RBM26: variants seen among roughly 807,000 people sequenced by gnomAD.
RBM26 encodes RNA-binding protein 26.
A neutral mutation model predicts 123.6 loss-of-function variants in RBM26; 30 were observed. That is an observed-to-expected ratio of 0.24 (90% CI 0.18 to 0.33). The LOEUF is 0.33. RBM26 is among the 10% of genes least tolerant of loss of function. The pLI is 1.00. For synonymous variants in RBM26, 400 were observed against 404.4 expected (o/e 0.99, Z 0.13); for missense variants, 947 against 1,203.6 (o/e 0.79, Z 3.15).
At chr13:79,315,756 C>T (rs1455407712), downstream of RBM26, among the ~76,000 whole-genome samples, 5 of 151,842 alleles carry the variant, frequency 3.3e-5, no homozygotes, top group East Asian at 9.7e-4. Context: ...TTCTACTAAG[C>T]AAGTTTGATG....
chr13:79,320,028 T>C lies in RBM26; in HGVS notation c.*593A>G. ...TTTTTAAAGAGACCATTCCACTTTATTATAACATCTGGATGCATAAGGACT... is the reference window on the plus strand; with the variant it reads ...TTTTTAAAGAGACCATTCCACTTTACTATAACATCTGGATGCATAAGGACT... On this transcript the variant is annotated 3_prime_UTR_variant, in exon 22 of 22. Coordinates refer to ENST00000438737, the MANE Select transcript of RBM26 (RefSeq NM_001366735.2). 1.0e-6 allele frequency: 1 copy of C among 968,244 alleles called. No individual in the cohort carries two copies. Among genetic ancestry groups the C allele is most frequent in the South Asian group, 4.8e-5 (1 of 20,758 alleles). The allele number at this position is 968,244 out of a possible 1,614,324, so 60.0% of individuals were successfully genotyped here.
At chr13:79,364,290 A>G (rs2075032144) in intron 9 of RBM26, among the ~76,000 whole-genome samples, 1 of 152,190 alleles carries the variant, frequency 6.6e-6, no homozygotes, top group East Asian at 1.9e-4. Flanking sequence ...TTAAACATTC[A>G]AGGAAGATGC....
chr13:79,359,584 C>A lies in RBM26; in HGVS notation c.1520G>T (p.Trp507Leu). ...GEPGVPTKKT[W>L]FDKPNFNRTN... is the part of the protein sequence containing the mutation. ...TTCCTGGCCACCTTACTTATCAAACCAAGTCTTCTTTGTAGGAACTCCAGG... is the reference window on the plus strand; with the variant it reads ...TTCCTGGCCACCTTACTTATCAAACAAAGTCTTCTTTGTAGGAACTCCAGG... Residue 507 changes from tryptophan to leucine, a missense_variant, in exon 10 of 22, where the codon TGG (tryptophan) becomes TTG (leucine). Around this residue, in one of 5 missense-constraint regions of RBM26, gnomAD observed 493 missense variants for 563.1 expected, o/e 0.88. Coordinates refer to ENST00000438737, the MANE Select transcript of RBM26 (RefSeq NM_001366735.2). 6.4e-7 allele frequency: 1 copy of A among 1,558,136 alleles called. No homozygotes were observed. The highest frequency in any genetic ancestry group is 1.2e-5 in the South Asian group (1 of 86,260).
chr13:79,381,239 C>G (rs2077048095), intron 1 of RBM26, among the ~76,000 whole-genome samples: 1 of 152,010 alleles, frequency 6.6e-6, no homozygotes, highest in South Asian at 2.1e-4. Flanking sequence ...AACTAAATCT[C>G]ATACTCCAAA....
Position 79,378,846 on chromosome 13 carries a change from T to C in RBM26, c.133A>G (p.Ser45Gly), listed in dbSNP as rs779958884. The C allele has an allele frequency of 4.3e-6, 7 of 1,613,534 alleles. No homozygotes were observed. Among genetic ancestry groups the C allele is most frequent in the Non-Finnish European group, 5.9e-6 (7 of 1,179,624 alleles). Residue 45 changes from serine to glycine, a missense_variant, in exon 2 of 22, where the codon AGT (serine) becomes GGT (glycine). Transcript: ENST00000438737. ...YVLALVKKDKSEKELKALCID... is the reference protein window; with the variant it reads ...YVLALVKKDKGEKELKALCID... ...CATAATGCCTTTAACTCTTTTTCACTTTTGTCTTTCTTTACCAAAGCCAGA... is the reference window on the plus strand; with the variant it reads ...CATAATGCCTTTAACTCTTTTTCACCTTTGTCTTTCTTTACCAAAGCCAGA...
chr13:79,314,826 C>A (rs1163545231), downstream of RBM26: 1 of 406,542 alleles, frequency 2.5e-6, no homozygotes. Context: ...TCTTAGAGAA[C>A]TGTAGAGATA....
At chr13:79,368,274 C>A (rs1379566974) in intron 6 of RBM26, among the ~76,000 whole-genome samples, 1 of 152,212 alleles carries the variant, frequency 6.6e-6, no homozygotes, top group Non-Finnish European at 1.5e-5. Context: ...GATCCACCCA[C>A]CTCAACCTCC....
At chr13:79,367,428 A>AAAAAAAAAAAAAAAG (rs1566476078) in intron 6 of RBM26, among the ~76,000 whole-genome samples, 9 of 43,406 alleles carry the variant, frequency 2.1e-4, no homozygotes, top group African/African-American at 5.0e-4. Flanking sequence ...AAAAAAAAAA[A>AAAAAAAAAAAAAAAG]AAAAGAAGAA....
At chr13:79,374,610 A>C (rs2076478276) in intron 3 of RBM26, among the ~76,000 whole-genome samples, 1 of 152,140 alleles carries the variant, frequency 6.6e-6, no homozygotes, top group Admixed American at 6.6e-5. Flanking sequence ...TTTTAAATTC[A>C]AGTACTTTCG....
intron 14 of RBM26, among the ~76,000 whole-genome samples, chr13:79,352,577 T>C (rs1159777591): frequency 6.6e-6 from 1 of 152,148 alleles, no homozygotes; most frequent in Non-Finnish European, 1.5e-5. Flanking sequence ...ACTATATGTA[T>C]TGCTATGCTA....
Position 79,371,937 on chromosome 13 carries a change from A to T in RBM26, c.328-7T>A, listed in dbSNP as rs73564673. On this transcript the variant is annotated splice_region_variant and splice_polypyrimidine_tract_variant and intron_variant, in intron 3 of 21. Transcript: ENST00000438737. ...GCTCTTCCTCCTTAGTGATCTGATT[A>T]AAAAAAAAAAAAAAAGTGTACAAGT... 62,431 of 230,158 alleles carry T rather than the reference A, an allele frequency of 0.27. 4,464 individuals carry two copies. The highest frequency in any genetic ancestry group is 0.5 in the African/African-American group (26,503 of 53,362). The allele number at this position is 230,158 out of a possible 1,614,324, so 14.3% of individuals were successfully genotyped here.
intron 1 of RBM26, among the ~76,000 whole-genome samples, chr13:79,391,726 A>T (rs2078013468): frequency 6.6e-6 from 1 of 152,104 alleles, no homozygotes; most frequent in African/African-American, 2.4e-5. Flanking sequence ...ACCCAGCCGA[A>T]GCATTTCTAT....
chr13:79,337,064 A>G (rs556022327), intron 19 of RBM26, 38 bp downstream of exon 19: 2 of 1,573,052 alleles, frequency 1.3e-6, no homozygotes, highest in South Asian at 2.3e-5. Flanking sequence ...CCCAATGATG[A>G]TTATCAGCAT....
At chr13:79,361,969 AT>A (rs1325218469) in intron 9 of RBM26, among the ~76,000 whole-genome samples, 4 of 152,282 alleles carry the variant, frequency 2.6e-5, no homozygotes, top group African/African-American at 7.2e-5. Flanking sequence ...AGATTTTGGT[AT>A]GGCTCCTTCT....
At chr13:79,403,949 G>A (rs1409099619) in intron 1 of RBM26, among the ~76,000 whole-genome samples, 2 of 152,014 alleles carry the variant, frequency 1.3e-5, no homozygotes, top group Non-Finnish European at 2.9e-5. Context: ...GTTTTTTAAT[G>A]ACATAAAGCC....
intron 11 of RBM26, 42 bp downstream of exon 11, chr13:79,358,232 A>C: frequency 6.7e-7 from 1 of 1,501,722 alleles, no homozygotes; most frequent in Non-Finnish European, 9.0e-7. Context: ...TAAGTTCCCT[A>C]AACAGAAAGA....
At chr13:79,370,094 G>C (rs1273299632) in intron 5 of RBM26, among the ~76,000 whole-genome samples, 1 of 152,148 alleles carries the variant, frequency 6.6e-6, no homozygotes, top group Non-Finnish European at 1.5e-5. Context: ...TGGATCACCT[G>C]AGGTCAGGAA....
chr13:79,349,077 A>G (rs190179696), intron 14 of RBM26, among the ~76,000 whole-genome samples: 1 of 152,272 alleles, frequency 6.6e-6, no homozygotes, highest in East Asian at 1.9e-4. Flanking sequence ...ACTGTTAGTC[A>G]AGTCACCGTA....
intron 9 of RBM26, among the ~76,000 whole-genome samples, chr13:79,364,427 C>A (rs1470334930): frequency 2.0e-5 from 3 of 151,976 alleles, no homozygotes; most frequent in Non-Finnish European, 4.4e-5. Context: ...TCACAACTGA[C>A]GAAGCATGAT....
Sources: gnomAD v4.1 joint callset for allele counts (sites outside exome capture counted in the v4.1 genomes callset) on GRCh38, gnomAD v4.1.1 for gene constraint, gnomAD v4.1.1 regional missense constraint, MANE v1.5 for transcripts, NCBI Gene and HGNC (gene_info 2026-07-23, HGNC 2026-07-21) for gene names.